TESPA1: variants seen among roughly 807,000 people sequenced by gnomAD.
TESPA1 encodes the protein thymocyte expressed, positive selection associated 1, also known as protein TESPA1.
Under a neutral mutation model 57.9 loss-of-function variants are expected in TESPA1, and 33 were observed. That is an observed-to-expected ratio of 0.57 (90% CI 0.43 to 0.76). The LOEUF (loss-of-function observed/expected upper bound fraction) is 0.76. Among genes scored for constraint, TESPA1 ranks in the 30% least tolerant of loss-of-function variants. The pLI is 0.00. For missense variants in TESPA1, 618 were observed against 632.9 expected, an observed-to-expected ratio of 0.98 and a Z score of 0.25; for synonymous variants, 227 against 228.9, an observed-to-expected ratio of 0.99 and a Z score of 0.07.
intron 1 of TESPA1, among the ~76,000 whole-genome samples, chr12:54,983,843 G>T (rs1169632595): frequency 6.6e-6 from 1 of 152,164 alleles, no homozygotes; most frequent in Non-Finnish European, 1.5e-5. Flanking sequence ...CTGGGGCAAG[G>T]GGTGTTGGAG....
intron 1 of TESPA1, among the ~76,000 whole-genome samples, chr12:54,978,549 T>C (rs1952210815): frequency 6.6e-6 from 1 of 152,182 alleles, no homozygotes; most frequent in Non-Finnish European, 1.5e-5. Context: ...ATATACCAAA[T>C]TCCCTTTCAA....
intron 3 of TESPA1, 185 bp from the exon 4 acceptor site, chr12:54,968,077 G>C (rs1592379242): frequency 1.9e-5 from 27 of 1,436,720 alleles, no homozygotes; most frequent in Non-Finnish European, 2.5e-5. Flanking sequence ...AGAAGTAGTT[G>C]GGGAAACTGG....
At chr12:54,963,339 G>T (rs1951208255) in intron 8 of TESPA1, 97 bp from the exon 9 acceptor site, 1 of 1,218,482 alleles carries the variant, frequency 8.2e-7, no homozygotes, top group South Asian at 1.6e-5. Context: ...AAAATTCAGG[G>T]AGAAGCTTCC....
At position 54,962,947 on chromosome 12, in the gene TESPA1, C is replaced by T. The variant is rs770232928; in HGVS notation, c.951G>A (p.Leu317=). 2.5e-6 allele frequency: 4 copies of T among 1,613,448 alleles called. No individual in the cohort carries two copies. The highest frequency in any genetic ancestry group is 3.3e-5 in the Admixed American group (2 of 59,940). The change falls in exon 9 of 11, where the codon TTG becomes TTA. Residue 317 remains leucine (L), a synonymous_variant. Transcript: ENST00000449076. The part of the protein sequence containing the change: ...PKRNSLDQVV[L]EVMDKVKEEK... ...CTTCTTTCACTTTGTCCATCACTTCCAACACAACTTGGTCCAAACTGTTCC... is the reference window on the plus strand; with the variant it reads ...CTTCTTTCACTTTGTCCATCACTTCTAACACAACTTGGTCCAAACTGTTCC...
At chr12:54,971,991 A>G (rs1423505369) in intron 3 of TESPA1, among the ~76,000 whole-genome samples, 1 of 152,224 alleles carries the variant, frequency 6.6e-6, no homozygotes, top group Non-Finnish European at 1.5e-5. Context: ...CACATATATC[A>G]TCTCATTTAA....
In TESPA1 at chr12:54,962,552, C is replaced by T. The variant is rs1565840046; in HGVS notation, c.1346G>A (p.Gly449Asp). The T allele has an allele frequency of 1.9e-6, 3 of 1,613,898 alleles. No individual in the cohort carries two copies. The highest frequency in any genetic ancestry group is 1.7e-6 in the Non-Finnish European group (2 of 1,179,876). ...CAGGTCCAAGGACTTAACCTTCCTG[C>T]CCATGAGATTCTTCTGGAAGAGGCT... is the stretch of plus-strand genomic sequence containing the variant. ...RKSLFQKNLM[G>D]RKVKSLDLSI... The change falls in exon 9 of 11, where the codon GGC becomes GAC. Residue 449 changes from glycine (G) to aspartate (D), a missense_variant. Around this residue, in one of 3 missense-constraint regions of TESPA1, gnomAD observed 409 missense variants for 420.1 expected, o/e 0.97. Coordinates refer to ENST00000449076, the MANE Select transcript of TESPA1 (RefSeq NM_001136030.3).
rs375053169 is a variant in TESPA1 at position 54,963,199 on chromosome 12, G to A, written c.699C>T (p.Ala233=). Residue 233 remains alanine (A), a synonymous_variant, in exon 9 of 11, where the codon GCC becomes GCT. Transcript: ENST00000449076. The part of the protein sequence containing the change: ...QVQTLAVTAD[A]FFCLYSYVSK... ...ACACATAGGAGTAGAGACAGAAGAA[G>A]GCATCAGCAGTGACAGCCAGTGTTT... 1 of 1,613,628 alleles carries A rather than the reference G, an allele frequency of 6.2e-7. No homozygotes were observed. The highest frequency in any genetic ancestry group is 8.5e-7 in the Non-Finnish European group (1 of 1,179,828).
In TESPA1 at chr12:54,966,542, T is replaced by G. The variant is rs1951446788; in HGVS notation, c.311-118A>C. ...GTTTCTTTTTGTGACTATGACAGGC[T>G]AGCTGGACCCCATAAATTCTGCACT... On this transcript the variant is annotated intron_variant, in intron 5 of 10. Coordinates refer to ENST00000449076, the MANE Select transcript of TESPA1 (RefSeq NM_001136030.3). The G allele has an allele frequency of 5.1e-6, 6 of 1,171,048 alleles. No homozygotes were observed. In the African/African-American group the frequency reaches 6.2e-5, roughly 12 times the overall value. The allele number at this position is 1,171,048 out of a possible 1,614,324, so 72.5% of individuals were successfully genotyped here. A position where few individuals can be genotyped will look rare whatever the true frequency, so the allele number is the denominator to read the frequency against.
chr12:54,974,555 G>A lies in TESPA1; in HGVS notation c.8C>T (p.Ala3Val), dbSNP rs113518906. The change falls in exon 2 of 11, where the codon GCC becomes GTC. Residue 3 changes from alanine to valine, a missense_variant. Physicochemically the swap from Ala to Val is moderately conservative, Grantham distance 64. This residue lies in a region of TESPA1 where 199 missense variants were observed against 184.0 expected (regional missense o/e 1.08). Transcript: ENST00000449076. ME[A>V]SVLSPTSWEK... is the part of the protein sequence containing the mutation. ...CCAGGATGTGGGGCTCAGCACAGAG[G>A]CCTCCATGGCCCTGGCTCAGACTTC... 5.8e-3 allele frequency: 9,139 copies of A among 1,581,936 alleles called. 467 individuals are homozygous for A. In the African/African-American group the frequency reaches 0.11, roughly 19 times the overall value.
At chr12:54,961,815 C>T (rs1023014082) in intron 9 of TESPA1, among the ~76,000 whole-genome samples, 6 of 152,256 alleles carry the variant, frequency 3.9e-5, no homozygotes, top group Non-Finnish European at 8.8e-5. Flanking sequence ...GCAGCCTAGG[C>T]CCAAATGATG....
chr12:54,965,737 T>C lies in TESPA1; in HGVS notation c.446+316A>G, dbSNP rs552970175. Among the ~76,000 whole-genome samples the C allele has an allele frequency of 4.5e-4, 69 of 152,178 alleles. 1 individual carries two copies. Among genetic ancestry groups the C allele is most frequent in the Non-Finnish European group, 8.2e-4 (56 of 68,036 alleles). On this transcript the variant is annotated intron_variant, in intron 7 of 10. Transcript: ENST00000449076. ...TTCATTCAGTCAACAAATTAGTCAA[T>C]TAATCAATACATTGTTTACTGAGCA...
At chr12:54,976,416 C>G (rs1952138649) in intron 1 of TESPA1, among the ~76,000 whole-genome samples, 1 of 152,188 alleles carries the variant, frequency 6.6e-6, no homozygotes, top group African/African-American at 2.4e-5. Flanking sequence ...GGAAATGGAC[C>G]TCCCCTAGAT....
intron 10 of TESPA1, among the ~76,000 whole-genome samples, chr12:54,952,843 T>A (rs1456123836): frequency 4.6e-5 from 7 of 152,216 alleles, no homozygotes; most frequent in African/African-American, 1.4e-4. Flanking sequence ...TATTCCTATT[T>A]TTACTTCATT....
At position 54,963,758 on chromosome 12, in the gene TESPA1, G is replaced by C. The variant is rs1321087491; in HGVS notation, c.639C>G (p.Pro213=). The part of the protein sequence containing the change: ...SQVRRIEMED[P]CLMLASRFKQ... Reference sequence around the variant, plus strand: ...GACACTCACTGGCCAGCATGAGGCAGGGGTCTTCCATTTCAATCCTCCGCA... The same window carrying C: ...GACACTCACTGGCCAGCATGAGGCACGGGTCTTCCATTTCAATCCTCCGCA... The change falls in exon 8 of 11, where the codon CCC becomes CCG. Residue 213 remains proline (P), a synonymous_variant. Transcript: ENST00000449076. 1.2e-6 allele frequency: 2 copies of C among 1,612,812 alleles called. No individual in the cohort carries two copies. The highest frequency in any genetic ancestry group is 3.6e-4 in the Middle Eastern group (2 of 5,518).
chr12:54,966,115 A>G lies in TESPA1; in HGVS notation c.384T>C (p.Leu128=). 1.3e-6 allele frequency: 2 copies of G among 1,575,950 alleles called. No individual in the cohort carries two copies. The highest frequency in any genetic ancestry group is 1.7e-6 in the Non-Finnish European group (2 of 1,159,706). ...TGGAAGCCAAACTACAGCCAAGATC[A>G]AGTAGCTGGCAAGGCCTGGCTGTCT... ...FLETARPCQL[L]DLGCSLASSS... Residue 128 remains leucine (L), a synonymous_variant, in exon 7 of 11, where the codon CTT becomes CTC. Coordinates refer to ENST00000449076, the MANE Select transcript of TESPA1 (RefSeq NM_001136030.3).
intron 2 of TESPA1, chr12:54,973,734 C>G: frequency 1.5e-6 from 2 of 1,322,138 alleles, no homozygotes; most frequent in Non-Finnish European, 1.9e-6. Context: ...CCCTTCCTCC[C>G]AAGAACCTGG....
At chr12:54,967,161 C>A in intron 5 of TESPA1, 22 bp downstream of exon 5, 1 of 1,612,792 alleles carries the variant, frequency 6.2e-7, no homozygotes, top group Non-Finnish European at 8.5e-7. Flanking sequence ...TCATCCCAAC[C>A]TCAGAGAACT....
At chr12:54,962,203 G>A (rs1022639325) in intron 9 of TESPA1, among the ~76,000 whole-genome samples, 2 of 152,214 alleles carry the variant, frequency 1.3e-5, no homozygotes, top group African/African-American at 4.8e-5. Flanking sequence ...ATGGCAATCA[G>A]ATCAGGTATT....
chr12:54,956,980 C>T (rs1228681570), intron 10 of TESPA1, among the ~76,000 whole-genome samples: 2 of 152,200 alleles, frequency 1.3e-5, no homozygotes, highest in Non-Finnish European at 2.9e-5. Context: ...GACCTAGTCA[C>T]CTCTCAAAGG....
Sources: gnomAD v4.1 joint callset for allele counts (sites outside exome capture counted in the v4.1 genomes callset) on GRCh38, gnomAD v4.1.1 for gene constraint, gnomAD v4.1.1 regional missense constraint, MANE v1.5 for transcripts, NCBI Gene and HGNC (gene_info 2026-07-23, HGNC 2026-07-21) for gene names.